The following CLCN5 variants were observed in gnomAD, a reference collection of about 807,000 sequenced individuals.
CLCN5 encodes Cl-/H+ antiporter 5.
In CLCN5, 17 loss-of-function variants were observed where a neutral mutation model predicts 54.0. That is an observed-to-expected ratio of 0.31 (90% CI 0.22 to 0.47). CLCN5 has a LOEUF of 0.47. Ranked by LOEUF, CLCN5 falls within the 20% of genes least tolerant of loss-of-function variation. The pLI, the probability that CLCN5 is intolerant of heterozygous loss-of-function variation, is 1.00. For synonymous variants in CLCN5, 222 were observed against 233.0 expected (o/e 0.95, Z 0.43); for missense variants, 448 against 646.7 (o/e 0.69, Z 3.33).
At chrX:49,940,221 A>G (rs970354770) in intron 3 of CLCN5, among the ~76,000 whole-genome samples, 1 of 111,470 alleles carries the variant, frequency 9.0e-6, no homozygotes, top group Non-Finnish European at 1.9e-5. Context: ...TTCATACTCC[A>G]CTCTCCAAAG....
chrX:50,026,204 T>G, intron 3 of CLCN5, among the ~76,000 whole-genome samples: 1 of 112,528 alleles, frequency 8.9e-6, no homozygotes, highest in Middle Eastern at 4.6e-3. Context: ...TAATGATTTC[T>G]AGTCTAATTC....
chrX:49,946,854 G>A (rs1306493647), intron 3 of CLCN5, among the ~76,000 whole-genome samples: 1 of 110,012 alleles, frequency 9.1e-6, no homozygotes, highest in Non-Finnish European at 1.9e-5. Flanking sequence ...TTGAGATGGA[G>A]TTTCGCTCTT....
intron 4 of CLCN5, among the ~76,000 whole-genome samples, chrX:50,051,937 G>A (rs1453763216): frequency 9.9e-5 from 11 of 111,209 alleles, no homozygotes; most frequent in African/African-American, 3.3e-4. Context: ...ATTTTTTTAG[G>A]ATTCTTTGGG....
intron 3 of CLCN5, among the ~76,000 whole-genome samples, chrX:49,935,853 G>T (rs1360385773): frequency 9.0e-6 from 1 of 110,770 alleles, no homozygotes; most frequent in African/African-American, 3.3e-5. Context: ...GCCACACAGG[G>T]TTTTATAGGC....
chrX:49,990,374 A>G (rs887222601), intron 3 of CLCN5, among the ~76,000 whole-genome samples: 3 of 109,195 alleles, frequency 2.7e-5, no homozygotes, highest in East Asian at 5.8e-4. Context: ...ACTGTACCCA[A>G]TGTGTAGTCT....
chrX:50,076,011 T>C lies in CLCN5; in HGVS notation c.603+29T>C, dbSNP rs782585641. On this transcript the variant is annotated intron_variant, in intron 7 of 14. Coordinates refer to ENST00000376091, the MANE Select transcript of CLCN5 (RefSeq NM_001127898.4). ...ACATGTAGTGATGTTTTATGAGCCA[T>C]TGACTTTTCTTCTTACATTTATTTT... 3.5e-6 allele frequency: 4 copies of C among 1,144,262 alleles called. No homozygotes were observed. The East Asian group carries it at 8.9e-5, about 26-fold the overall frequency. 94.3% of individuals were successfully genotyped at this position (1,144,262 alleles called of 1,213,427 possible).
At chrX:50,042,824 T>A (rs1557187372) in intron 4 of CLCN5, among the ~76,000 whole-genome samples, 1 of 112,141 alleles carries the variant, frequency 8.9e-6, no homozygotes, top group African/African-American at 3.2e-5. Flanking sequence ...TCTAAGTTGT[T>A]CATTTCTTCT....
intron 3 of CLCN5, among the ~76,000 whole-genome samples, chrX:49,968,803 C>T (rs1928043139): frequency 1.5e-5 from 1 of 67,538 alleles, no homozygotes; most frequent in Admixed American, 1.6e-4. Context: ...CAACAAAAGA[C>T]AAAATTGACA....
intron 8 of CLCN5, among the ~76,000 whole-genome samples, chrX:50,081,159 T>C (rs1397977058): frequency 9.0e-6 from 1 of 111,730 alleles, no homozygotes; most frequent in African/African-American, 3.3e-5. Flanking sequence ...CTAAAGACAC[T>C]GAGACTTAGG....
chrX:50,065,726 G>C (rs782225695), intron 4 of CLCN5, among the ~76,000 whole-genome samples: 1 of 105,978 alleles, frequency 9.4e-6, no homozygotes, highest in Non-Finnish European at 1.9e-5. Flanking sequence ...TGTTCATTGC[G>C]GCATTATTCA....
At chrX:49,997,460 C>T (rs782268696) in intron 3 of CLCN5, among the ~76,000 whole-genome samples, 4 of 111,222 alleles carry the variant, frequency 3.6e-5, no homozygotes, top group African/African-American at 1.3e-4. Context: ...CACCTCCTGA[C>T]CTCATACATT....
intron 9 of CLCN5, among the ~76,000 whole-genome samples, chrX:50,084,795 G>A (rs1389302244): frequency 6.2e-5 from 7 of 112,101 alleles, no homozygotes; most frequent in Non-Finnish European, 1.1e-4. Context: ...CCTTGTCAAA[G>A]TGGGCAGATG....
At chrX:49,990,277 G>A (rs1269179407) in intron 3 of CLCN5, among the ~76,000 whole-genome samples, 5 of 110,068 alleles carry the variant, frequency 4.5e-5, no homozygotes. Context: ...CAATTCTCCT[G>A]GTTTAGCCTC....
chrX:50,041,059 A>G (rs782447728), intron 3 of CLCN5, among the ~76,000 whole-genome samples: 1 of 112,412 alleles, frequency 8.9e-6, no homozygotes, highest in East Asian at 2.8e-4. Flanking sequence ...TTTTAAGCAC[A>G]TAGCCCAGTG....
intron 3 of CLCN5, among the ~76,000 whole-genome samples, chrX:50,011,800 A>G (rs1436929822): frequency 8.9e-5 from 10 of 112,142 alleles, no homozygotes; most frequent in Admixed American, 2.8e-4. Context: ...ATGTGAGCAC[A>G]TGTGCACACA....
intron 3 of CLCN5, among the ~76,000 whole-genome samples, chrX:49,942,598 C>G (rs1231339911): frequency 1.1e-5 from 1 of 94,057 alleles, no homozygotes; most frequent in East Asian, 3.9e-4. Context: ...TGTTCCCCTT[C>G]CTGCGTCCAA....
At position 50,096,196 on chromosome X, in the gene CLCN5, G is replaced by A. The variant is rs952967078; in HGVS notation, c.*3977G>A. ...TAGAACATTGAGCTCTTAAAAACCC[G>A]GAGAAAAATTAGGAATTTAGAAAGT... On this transcript the variant is annotated 3_prime_UTR_variant, in exon 15 of 15. Coordinates refer to ENST00000376091, the MANE Select transcript of CLCN5 (RefSeq NM_001127898.4). 9 of 111,532 alleles carry A rather than the reference G, an allele frequency of 8.1e-5. No individual in the cohort carries two copies. Among genetic ancestry groups the A allele is most frequent in the African/African-American group, 2.6e-4 (8 of 30,654 alleles). 9.2% of individuals were successfully genotyped at this position (111,532 alleles called of 1,213,427 possible). A position where few individuals can be genotyped will look rare whatever the true frequency, so the allele number is the denominator to read the frequency against.
At chrX:50,013,100 C>T (rs782529458) in intron 3 of CLCN5, 77 of 209,177 alleles carry the variant, frequency 3.7e-4, no homozygotes, top group Non-Finnish European at 1.8e-4. Context: ...ACTGCTTCTC[C>T]AGGCGTGCAC....
chrX:50,087,928 A>C (rs1557194220), intron 11 of CLCN5, among the ~76,000 whole-genome samples: 1 of 112,315 alleles, frequency 8.9e-6, no homozygotes. Context: ...TTAAGAATTT[A>C]CTATAGTATC....
Sources: gnomAD v4.1 joint callset for allele counts (sites outside exome capture counted in the v4.1 genomes callset) on GRCh38, gnomAD v4.1.1 for gene constraint, MANE v1.5 for transcripts, NCBI Gene and HGNC (gene_info 2026-07-23, HGNC 2026-07-21) for gene names.